The following SAMD12 variants were observed in gnomAD, a reference collection of about 807,000 sequenced individuals.
SAMD12 encodes the protein sterile alpha motif domain-containing protein 12.
SAMD12 carries 9 observed loss-of-function variants against 15.0 expected under a neutral mutation model. The ratio of observed to expected loss-of-function variants is 0.60; its 90% CI spans 0.36 to 1.05. The LOEUF (loss-of-function observed/expected upper bound fraction) is 1.05. SAMD12 is among the 50% of genes least tolerant of loss of function. The pLI, the probability that SAMD12 is intolerant of heterozygous loss-of-function variation, is 0.01. For synonymous variants in SAMD12, 86 were observed against 90.1 expected (o/e 0.96, Z 0.25); for missense variants, 230 against 234.2 (o/e 0.98, Z 0.12).
chr8:118,569,847 A>C (rs1826958456), intron 2 of SAMD12, among the ~76,000 whole-genome samples: 1 of 152,240 alleles, frequency 6.6e-6, no homozygotes, highest in African/African-American at 2.4e-5. Flanking sequence ...TTGTTACAGC[A>C]GCTGAGGCTG....
chr8:118,501,099 G>A (rs1251988516), intron 2 of SAMD12, among the ~76,000 whole-genome samples: 1 of 152,146 alleles, frequency 6.6e-6, no homozygotes, highest in Non-Finnish European at 1.5e-5. Flanking sequence ...TATGGCCCCT[G>A]ACTAGGACTG....
chr8:118,543,089 G>A (rs969548412), intron 2 of SAMD12, among the ~76,000 whole-genome samples: 1 of 152,064 alleles, frequency 6.6e-6, no homozygotes, highest in Non-Finnish European at 1.5e-5. Context: ...GAAGGAAAAG[G>A]GGGTTATCTT....
chr8:118,258,907 C>G (rs1813015093), intron 4 of SAMD12, among the ~76,000 whole-genome samples: 1 of 152,078 alleles, frequency 6.6e-6, no homozygotes, highest in Non-Finnish European at 1.5e-5. Flanking sequence ...ATAAACCACG[C>G]TCATCTGCCA....
chr8:118,237,345 C>T (rs1272928463), intron 4 of SAMD12, among the ~76,000 whole-genome samples: 1 of 152,166 alleles, frequency 6.6e-6, no homozygotes, highest in African/African-American at 2.4e-5. Context: ...TTTATCAGCC[C>T]TCTATGTATC....
At position 118,236,797 on chromosome 8, in the gene SAMD12, T is replaced by C. The variant is rs564301212; in HGVS notation, c.434-39065A>G. 2.0e-5 allele frequency among the ~76,000 whole-genome samples: 3 copies of C among 152,304 alleles called. No homozygotes were observed. In the South Asian group the frequency reaches 6.2e-4, roughly 32 times the overall value. On this transcript the variant is annotated intron_variant, in intron 4 of 4. Coordinates refer to the SAMD12 transcript ENST00000409003. ...AGGAGGCTGGAACTTCTCTTATGCTTTATTTGGATGAAAACAGAAACAACA... is the reference window on the plus strand; with the variant it reads ...AGGAGGCTGGAACTTCTCTTATGCTCTATTTGGATGAAAACAGAAACAACA...
At chr8:118,431,378 T>C (rs2130869782) in intron 3 of SAMD12, among the ~76,000 whole-genome samples, 2 of 152,352 alleles carry the variant, frequency 1.3e-5, no homozygotes, top group Middle Eastern at 3.4e-3. Context: ...CTATATCATT[T>C]TTCTTCTGCC....
At chr8:118,430,606 C>T (rs1023955929) in intron 3 of SAMD12, among the ~76,000 whole-genome samples, 8 of 152,084 alleles carry the variant, frequency 5.3e-5, no homozygotes, top group Non-Finnish European at 7.4e-5. Context: ...GTGATCCATC[C>T]GCCTTGGTCT....
chr8:118,417,913 TTC>T (rs2130833355), intron 3 of SAMD12, among the ~76,000 whole-genome samples: 1 of 152,326 alleles, frequency 6.6e-6, no homozygotes, highest in East Asian at 1.9e-4. Flanking sequence ...GAGGTTGGTT[TTC>T]TATTAAAACT....
At chr8:118,265,642 C>T (rs1813178914) in intron 4 of SAMD12, among the ~76,000 whole-genome samples, 1 of 151,290 alleles carries the variant, frequency 6.6e-6, no homozygotes, top group Non-Finnish European at 1.5e-5. Flanking sequence ...TTGGATCATT[C>T]AGTCATTTAT....
chr8:118,240,443 A>G (rs28370839), intron 4 of SAMD12, among the ~76,000 whole-genome samples: 1 of 152,176 alleles, frequency 6.6e-6, no homozygotes, highest in African/African-American at 2.4e-5. Context: ...GGAGTCAGAC[A>G]GTTCTGGATT....
intron 4 of SAMD12, among the ~76,000 whole-genome samples, chr8:118,332,900 C>T (rs921183378): frequency 9.9e-5 from 15 of 152,172 alleles, no homozygotes; most frequent in Admixed American, 2.0e-4. Context: ...CTCCGAACCT[C>T]TCCCTTTTAA....
chr8:118,370,901 T>A (rs187997324), intron 4 of SAMD12, among the ~76,000 whole-genome samples: 1 of 152,220 alleles, frequency 6.6e-6, no homozygotes, highest in African/African-American at 2.4e-5. Context: ...TTTACCTATG[T>A]AACAAACCTG....
At chr8:118,272,884 T>C (rs1007222614) in intron 4 of SAMD12, among the ~76,000 whole-genome samples, 4 of 152,230 alleles carry the variant, frequency 2.6e-5, no homozygotes, top group African/African-American at 9.6e-5. Context: ...CACATCTGCC[T>C]GTCTCCTGAG....
At chr8:118,592,825 G>A (rs1047095505) in intron 1 of SAMD12, among the ~76,000 whole-genome samples, 2 of 152,188 alleles carry the variant, frequency 1.3e-5, no homozygotes, top group African/African-American at 4.8e-5. Context: ...AGGCTTCAGG[G>A]AAGAAAAAGA....
intron 4 of SAMD12, among the ~76,000 whole-genome samples, chr8:118,348,538 AT>A (rs1279028371): frequency 1.3e-5 from 2 of 151,678 alleles, no homozygotes; most frequent in African/African-American, 4.8e-5. Flanking sequence ...CGCCCAGCTA[AT>A]TTTTTTGTGT....
At chr8:118,404,925 G>T (rs1325086756) in intron 3 of SAMD12, among the ~76,000 whole-genome samples, 1 of 152,128 alleles carries the variant, frequency 6.6e-6, no homozygotes, top group African/African-American at 2.4e-5. Context: ...ACCTCCCAAA[G>T]TGTTGGGGCT....
intron 4 of SAMD12, among the ~76,000 whole-genome samples, chr8:118,318,544 A>G (rs1404506397): frequency 2.0e-5 from 3 of 151,808 alleles, no homozygotes; most frequent in Admixed American, 6.6e-5. Context: ...ACAGAATGAT[A>G]TAAAGAACTT....
intron 2 of SAMD12, among the ~76,000 whole-genome samples, chr8:118,484,142 G>A (rs1056251582): frequency 1.3e-5 from 2 of 152,124 alleles, no homozygotes; most frequent in Non-Finnish European, 2.9e-5. Flanking sequence ...TGGGAGCAGA[G>A]ACATCAATGA....
the SAMD12 span, among the ~76,000 whole-genome samples, chr8:118,133,987 C>T: frequency 2.0e-5 from 3 of 152,238 alleles, no homozygotes; most frequent in South Asian, 4.2e-4. Context: ...CCTTAAATAG[C>T]GGAGATGAAA....
Sources: gnomAD v4.1 joint callset for allele counts (sites outside exome capture counted in the v4.1 genomes callset) on GRCh38, gnomAD v4.1.1 for gene constraint, MANE v1.5 for transcripts, NCBI Gene and HGNC (gene_info 2026-07-23, HGNC 2026-07-21) for gene names.